Variants in RAB8B observed in about 807,000 individuals in gnomAD.
RAB8B encodes the protein ras-related protein Rab-8B.
A neutral mutation model predicts 32.0 loss-of-function variants in RAB8B; 11 were observed. The observed-to-expected ratio is 0.34, with a 90% CI of 0.22 to 0.57. The LOEUF (loss-of-function observed/expected upper bound fraction) is 0.57. Among genes scored for constraint, RAB8B ranks in the 20% least tolerant of loss-of-function variants. The probability of loss-of-function intolerance (pLI) is 0.86; values close to 1 mark genes in which losing one functional copy is unlikely to be tolerated. For synonymous variants in RAB8B, 103 were observed against 89.6 expected (o/e 1.15, Z -0.85); for missense variants, 190 against 258.5 (o/e 0.73, Z 1.82).
chr15:63,193,817 C>A (rs1169326029), intron 1 of RAB8B, among the ~76,000 whole-genome samples: 4 of 150,290 alleles, frequency 2.7e-5, no homozygotes, highest in African/African-American at 1.0e-4. Flanking sequence ...TCTCAAAAAA[C>A]AACAACAACA....
At chr15:63,216,915 A>G (rs146861383) in intron 1 of RAB8B, among the ~76,000 whole-genome samples, 1 of 151,858 alleles carries the variant, frequency 6.6e-6, no homozygotes, top group East Asian at 1.9e-4. Context: ...TTTTAGTCAT[A>G]AAGTGGTATC....
At chr15:63,194,144 A>G (rs1317923522) in intron 1 of RAB8B, among the ~76,000 whole-genome samples, 2 of 152,172 alleles carry the variant, frequency 1.3e-5, no homozygotes, top group Non-Finnish European at 2.9e-5. Context: ...TCATAGTTTA[A>G]CAGCAGAAAG....
intron 1 of RAB8B, among the ~76,000 whole-genome samples, chr15:63,193,418 A>T (rs1483928087): frequency 1.3e-5 from 2 of 152,146 alleles, no homozygotes; most frequent in African/African-American, 2.4e-5. Context: ...ATCCATTTGA[A>T]ATTATTGGTC....
rs2037537498 is a variant in RAB8B at position 63,189,742 on chromosome 15, A to G, written c.118A>G (p.Thr40Ala). 1 of 1,340,596 alleles carries G rather than the reference A, an allele frequency of 7.5e-7. No individual in the cohort carries two copies. The highest frequency in any genetic ancestry group is 1.6e-5 in the African/African-American group (1 of 62,416). 83.0% of individuals were successfully genotyped at this position (1,340,596 alleles called of 1,614,324 possible). The change falls in exon 1 of 8, where the codon ACC (threonine) becomes GCC (alanine). Residue 40 changes from threonine to alanine, a missense_variant. By Grantham distance (58) the Thr-to-Ala change is moderately conservative. Around this residue, in one of 2 missense-constraint regions of RAB8B, gnomAD observed 80 missense variants for 142.6 expected, o/e 0.56. Transcript: ENST00000321437. ...CGCCTTCAACACCACCTTCATCTCC[A>G]CCATCGGTGAGGGAGGGGCCGCGGC... ...EDAFNTTFIS[T>A]IGIDFKIRTI...
intron 1 of RAB8B, among the ~76,000 whole-genome samples, chr15:63,218,929 C>A (rs1243888950): frequency 6.7e-6 from 1 of 149,318 alleles, no homozygotes; most frequent in Non-Finnish European, 1.5e-5. Flanking sequence ...CAGCTATATA[C>A]AAGACCCTGA....
intron 1 of RAB8B, among the ~76,000 whole-genome samples, chr15:63,228,311 C>G (rs936605000): frequency 2.0e-5 from 3 of 152,228 alleles, no homozygotes; most frequent in Non-Finnish European, 4.4e-5. Context: ...CTACCGAACC[C>G]TGCCCCAGTG....
chr15:63,209,146 C>T (rs2037725128), intron 1 of RAB8B, among the ~76,000 whole-genome samples: 1 of 151,816 alleles, frequency 6.6e-6, no homozygotes, highest in Admixed American at 6.6e-5. Context: ...CTGCCTCGGC[C>T]TCCCAAAGTG....
chr15:63,190,188 A>G (rs752422486), intron 1 of RAB8B, among the ~76,000 whole-genome samples: 4 of 151,478 alleles, frequency 2.6e-5, no homozygotes, highest in Non-Finnish European at 5.9e-5. Flanking sequence ...GATGGGGGCA[A>G]TGAGAGGGAT....
chr15:63,256,395 T>G, intron 4 of RAB8B, 110 bp from the exon 5 acceptor site: 1 of 755,004 alleles, frequency 1.3e-6, no homozygotes, highest in Non-Finnish European at 2.1e-6. Context: ...CTTGTGTGAG[T>G]AAAAGATTAT....
At chr15:63,231,904 C>T (rs2037939768) in intron 1 of RAB8B, among the ~76,000 whole-genome samples, 1 of 152,188 alleles carries the variant, frequency 6.6e-6, no homozygotes, top group Admixed American at 6.5e-5. Context: ...CATCTTCGAG[C>T]TTATTGCTAC....
rs544207818 is a variant in RAB8B at position 63,234,479 on chromosome 15, A to G, written c.125-10277A>G. ...AATGAAAAGTGGCCCAGTACTGCTC[A>G]TTCCAAGTTCCTTTTCCCTGTTAGA... On this transcript the variant is annotated intron_variant, in intron 1 of 7. Coordinates refer to ENST00000321437, the MANE Select transcript of RAB8B (RefSeq NM_016530.3). 9.2e-4 allele frequency among the ~76,000 whole-genome samples: 140 copies of G among 152,332 alleles called. 4 individuals are homozygous for G. The South Asian group carries it at 0.027, about 29-fold the overall frequency.
rs567805428 is a variant in RAB8B at position 63,255,595 on chromosome 15, A to C, written c.324+11A>C. The C allele has an allele frequency of 1.9e-6, 3 of 1,575,308 alleles. No homozygotes were observed. The highest frequency in any genetic ancestry group is 4.5e-5 in the East Asian group (2 of 44,694). Reference sequence around the variant, plus strand: ...AGAAACATTGAAGAGGTATGTGTGGAAAGAGAATGGTGACATTGGAGAAGA... The same window carrying C: ...AGAAACATTGAAGAGGTATGTGTGGCAAGAGAATGGTGACATTGGAGAAGA... On this transcript the variant is annotated intron_variant, in intron 4 of 7. Coordinates refer to ENST00000321437, the MANE Select transcript of RAB8B (RefSeq NM_016530.3).
At chr15:63,217,650 G>A (rs1261560181) in intron 1 of RAB8B, among the ~76,000 whole-genome samples, 1 of 152,152 alleles carries the variant, frequency 6.6e-6, no homozygotes, top group African/African-American at 2.4e-5. Flanking sequence ...CAAATGAGTG[G>A]TTTCCATGCT....
chr15:63,208,528 C>A (rs1178161510), intron 1 of RAB8B, among the ~76,000 whole-genome samples: 1 of 151,990 alleles, frequency 6.6e-6, no homozygotes, highest in Non-Finnish European at 1.5e-5. Flanking sequence ...CAATGCTTGG[C>A]TTTCACCTTC....
At chr15:63,249,598 T>A (rs1406155926) in intron 2 of RAB8B, 47 bp from the exon 3 acceptor site, 2 of 1,560,504 alleles carry the variant, frequency 1.3e-6, no homozygotes, top group African/African-American at 2.7e-5. Context: ...TCCTCAGTGA[T>A]GCTGGTGATG....
At chr15:63,229,476 T>G (rs2037916276) in intron 1 of RAB8B, among the ~76,000 whole-genome samples, 1 of 152,094 alleles carries the variant, frequency 6.6e-6, no homozygotes, top group Admixed American at 6.5e-5. Context: ...CAGTGATCCT[T>G]AATGTATTTC....
intron 6 of RAB8B, among the ~76,000 whole-genome samples, chr15:63,262,404 A>G (rs896681886): frequency 2.0e-5 from 3 of 152,194 alleles, no homozygotes; most frequent in African/African-American, 7.2e-5. Flanking sequence ...GATTACAATT[A>G]TTACTTTCTT....
At chr15:63,215,490 T>G (rs371980276) in intron 1 of RAB8B, among the ~76,000 whole-genome samples, 6 of 152,356 alleles carry the variant, frequency 3.9e-5, no homozygotes, top group East Asian at 1.9e-4. Flanking sequence ...GTATTTCTTT[T>G]TAGTCTTCGA....
intron 1 of RAB8B, among the ~76,000 whole-genome samples, chr15:63,199,422 A>G (rs1484112855): frequency 1.3e-5 from 2 of 152,218 alleles, no homozygotes; most frequent in Non-Finnish European, 2.9e-5. Flanking sequence ...AACACAGACC[A>G]GGGTGTTGTC....
Sources: allele counts gnomAD v4.1 joint callset (sites outside exome capture counted in the v4.1 genomes callset), GRCh38; gene constraint gnomAD v4.1.1; regional missense constraint gnomAD v4.1.1; transcripts MANE v1.5; gene names NCBI Gene and HGNC (gene_info 2026-07-23, HGNC 2026-07-21).